Variants in TSPAN9 observed in about 807,000 individuals in gnomAD.
The protein encoded by TSPAN9 is tetraspanin-9.
Under a neutral mutation model 31.0 loss-of-function variants are expected in TSPAN9, and 16 were observed. The ratio of observed to expected loss-of-function variants is 0.52; its 90% CI spans 0.35 to 0.78. TSPAN9 has a LOEUF of 0.78. Among genes scored for constraint, TSPAN9 ranks in the 30% least tolerant of loss-of-function variants. TSPAN9 has a pLI of 0.01. For synonymous variants in TSPAN9, 145 were observed against 121.6 expected, an observed-to-expected ratio of 1.19 and a Z score of -1.27; for missense variants, 272 against 312.5, an observed-to-expected ratio of 0.87 and a Z score of 0.98.
intron 3 of TSPAN9, among the ~76,000 whole-genome samples, chr12:3,220,346 G>T (rs923643345): frequency 7.9e-5 from 12 of 152,164 alleles, no homozygotes; most frequent in South Asian, 2.1e-4. Context: ...TCCCAGGCTG[G>T]TAACAGACCG....
intron 3 of TSPAN9, among the ~76,000 whole-genome samples, chr12:3,236,346 C>G (rs1279377165): frequency 2.0e-5 from 3 of 152,192 alleles, no homozygotes; most frequent in African/African-American, 7.2e-5. Context: ...TTGGTAAACA[C>G]TTTACAGGCA....
chr12:3,171,065 G>A (rs1311144223), intron 2 of TSPAN9, among the ~76,000 whole-genome samples: 7 of 151,898 alleles, frequency 4.6e-5, no homozygotes, highest in Admixed American at 2.0e-4. Context: ...TCGTCACCTC[G>A]TGCTTGGATT....
rs1396904765 is a variant in TSPAN9 at position 3,156,916 on chromosome 12, A to G, written c.-17-44261A>G. On this transcript the variant is annotated intron_variant, in intron 2 of 8. Coordinates refer to ENST00000011898, the MANE Select transcript of TSPAN9 (RefSeq NM_006675.5). Reference sequence around the variant, plus strand: ...GGGCAGGGGGCAAGGGCTGAGAGCTAAGGTTGAGGTGAGGTCTGATGAACT... The same window carrying G: ...GGGCAGGGGGCAAGGGCTGAGAGCTGAGGTTGAGGTGAGGTCTGATGAACT... Among the ~76,000 whole-genome samples the G allele has an allele frequency of 3.3e-5, 5 of 152,176 alleles. No homozygotes were observed. The East Asian group carries it at 9.6e-4, about 29-fold the overall frequency.
intron 2 of TSPAN9, among the ~76,000 whole-genome samples, chr12:3,109,071 G>A (rs911420473): frequency 4.6e-5 from 7 of 152,108 alleles, no homozygotes; most frequent in Admixed American, 3.9e-4. Flanking sequence ...GAGTAGCTGG[G>A]ACTACAGGCA....
chr12:3,236,118 GAGA>G (rs143641619), intron 3 of TSPAN9, among the ~76,000 whole-genome samples: 2,190 of 152,324 alleles, frequency 0.014, 14 homozygotes, highest in East Asian at 0.026. Context: ...GTGGTGTTTG[GAGA>G]AGAACAGTGC....
At chr12:3,219,591 C>T (rs1419292709) in intron 3 of TSPAN9, among the ~76,000 whole-genome samples, 1 of 151,988 alleles carries the variant, frequency 6.6e-6, no homozygotes, top group East Asian at 1.9e-4. Flanking sequence ...TTTGTTTGTA[C>T]ATCTTTCTCT....
At chr12:3,165,166 T>C (rs1480336624) in intron 2 of TSPAN9, among the ~76,000 whole-genome samples, 4 of 152,162 alleles carry the variant, frequency 2.6e-5, no homozygotes, top group African/African-American at 9.7e-5. Context: ...CTCACAGCCC[T>C]AGGCTGGGGG....
At chr12:3,240,958 T>G (rs1057059763) in intron 3 of TSPAN9, among the ~76,000 whole-genome samples, 4 of 152,188 alleles carry the variant, frequency 2.6e-5, no homozygotes, top group African/African-American at 9.7e-5. Flanking sequence ...TTTCTTGCCT[T>G]TCACATGTGC....
chr12:3,236,514 G>A (rs954874350), intron 3 of TSPAN9, among the ~76,000 whole-genome samples: 4 of 152,110 alleles, frequency 2.6e-5, no homozygotes, highest in African/African-American at 9.7e-5. Flanking sequence ...CGTGCCCTTC[G>A]CTGCCACCAG....
rs983352741 is a variant in TSPAN9, at chr12:3,286,285, T to A, written c.*3169T>A. Reference sequence around the variant, plus strand: ...TGCCCCACACTTTCCTCCTCCCCACTGCAGTGAGTCAATAGTCCAGGGTGG... The same window carrying A: ...TGCCCCACACTTTCCTCCTCCCCACAGCAGTGAGTCAATAGTCCAGGGTGG... On this transcript the variant is annotated 3_prime_UTR_variant, in exon 9 of 9. Coordinates refer to ENST00000011898, the MANE Select transcript of TSPAN9 (RefSeq NM_006675.5). The surrounding 1 kb of genome is among the most constrained non-coding windows in gnomAD (Gnocchi z 4.1). 2 of 152,742 alleles carry A rather than the reference T, an allele frequency of 1.3e-5. No homozygotes were observed. Among genetic ancestry groups the A allele is most frequent in the East Asian group, 3.9e-4 (2 of 5,162 alleles). The allele number at this position is 152,742 out of a possible 1,614,324, so 9.5% of individuals were successfully genotyped here. A position where few individuals can be genotyped will look rare whatever the true frequency, so the allele number is the denominator to read the frequency against.
intron 3 of TSPAN9, among the ~76,000 whole-genome samples, chr12:3,257,777 A>AAAGGTATTTGGGGGGGGGGGGGGG (rs1862376708): frequency 7.1e-6 from 1 of 140,972 alleles, no homozygotes; most frequent in Admixed American, 7.3e-5. Context: ...CGGGAGGGGT[A>AAAGGTATTTGGGGGGGGGGGGGGG]GGGGGGCGGC....
chr12:3,244,979 C>T (rs1265901771), intron 3 of TSPAN9, among the ~76,000 whole-genome samples: 2 of 152,192 alleles, frequency 1.3e-5, no homozygotes, highest in Non-Finnish European at 2.9e-5. Flanking sequence ...GTGCGTTAGC[C>T]TCTTGACTCT....
rs1431573803 is a variant in TSPAN9 at position 3,168,422 on chromosome 12, C to T, written c.-17-32755C>T. 1.3e-5 allele frequency among the ~76,000 whole-genome samples: 2 copies of T among 152,146 alleles called. No homozygotes were observed. The highest frequency in any genetic ancestry group is 2.9e-5 in the Non-Finnish European group (2 of 68,034). ...GGGTGCTGGGTGAACAAGAACTGGG[C>T]CTGTCTGCAGCTGCTCAGCGTCAAG... On this transcript the variant is annotated intron_variant, in intron 2 of 8. Transcript: ENST00000011898. This position sits in a 1 kb window ranked among gnomAD's most constrained non-coding sequence, Gnocchi z 4.0.
intron 2 of TSPAN9, among the ~76,000 whole-genome samples, chr12:3,191,620 CCTG>C: frequency 6.6e-6 from 1 of 152,182 alleles, no homozygotes; most frequent in East Asian, 1.9e-4. Context: ...GGAAGCCCTC[CCTG>C]CTGGCCCTGC....
At position 3,113,023 on chromosome 12, in the gene TSPAN9, A is replaced by G. The variant is rs147431261; in HGVS notation, c.-18+29304A>G. Reference sequence around the variant, plus strand: ...TTCTTACATTTCCTTCTTAACTTCTATATTGACCCACTGATTGTTCAGGAG... The same window carrying G: ...TTCTTACATTTCCTTCTTAACTTCTGTATTGACCCACTGATTGTTCAGGAG... On this transcript the variant is annotated intron_variant, in intron 2 of 8. Transcript: ENST00000011898. Among the ~76,000 whole-genome samples, 617 of 152,166 alleles carry G rather than the reference A, an allele frequency of 4.1e-3. 1 individual carries two copies. Among genetic ancestry groups the G allele is most frequent in the Non-Finnish European group, 6.7e-3 (458 of 68,000 alleles).
rs528138620 is a variant in TSPAN9, at chr12:3,077,436, C to T, written c.-102C>T. On this transcript the variant is annotated 5_prime_UTR_variant, in exon 1 of 9. Transcript: ENST00000011898. Reference sequence around the variant, plus strand: ...CGGAGCGCGAGCAGAGCGGAGACCCCCAGGTCCTGCGGGCGCGGTGAGTGC... The same window carrying T: ...CGGAGCGCGAGCAGAGCGGAGACCCTCAGGTCCTGCGGGCGCGGTGAGTGC... The T allele has an allele frequency of 0.016, 2,382 of 151,714 alleles. 55 individuals carry two copies. Among genetic ancestry groups the T allele is most frequent in the African/African-American group, 0.056 (2,281 of 41,062 alleles). 9.4% of individuals were successfully genotyped at this position (151,714 alleles called of 1,614,324 possible).
At chr12:3,258,202 T>G (rs1862384519) in intron 3 of TSPAN9, among the ~76,000 whole-genome samples, 1 of 152,098 alleles carries the variant, frequency 6.6e-6, no homozygotes, top group African/African-American at 2.4e-5. Context: ...AGGGATGGCT[T>G]TGACAGTGTA....
chr12:3,129,929 C>G (rs551073031), intron 2 of TSPAN9, among the ~76,000 whole-genome samples: 16 of 152,306 alleles, frequency 1.1e-4, no homozygotes, highest in African/African-American at 3.8e-4. Context: ...CCTCCATGCC[C>G]TCTGTGCATT....
intron 3 of TSPAN9, among the ~76,000 whole-genome samples, chr12:3,226,432 G>A (rs955574205): frequency 4.6e-5 from 7 of 151,918 alleles, no homozygotes; most frequent in South Asian, 2.1e-4. Context: ...TCCTCTGGCC[G>A]TGAGCATTCT....
Sources: gnomAD v4.1 joint callset for allele counts (sites outside exome capture counted in the v4.1 genomes callset) on GRCh38, gnomAD v4.1.1 for gene constraint, Gnocchi (gnomAD v3.1) non-coding constraint, MANE v1.5 for transcripts, NCBI Gene and HGNC (gene_info 2026-07-23, HGNC 2026-07-21) for gene names.